CARD9: variants seen among roughly 807,000 people sequenced by gnomAD.
The protein encoded by CARD9 is caspase recruitment domain-containing protein 9.
A neutral mutation model predicts 66.0 loss-of-function variants in CARD9; 53 were observed. The ratio of observed to expected loss-of-function variants is 0.80; its 90% CI spans 0.64 to 1.01. The LOEUF is 1.01. CARD9 is among the 50% of genes least tolerant of loss of function. CARD9 has a pLI of 0.00. For synonymous variants in CARD9, 387 were observed against 313.8 expected (o/e 1.23, Z -2.47); for missense variants, 769 against 743.2 (o/e 1.03, Z -0.40).
rs2131435911 is a variant in CARD9 at position 136,366,790 on chromosome 9, C to T, written c.1357+10G>A. ...GGAGGCCTCTGGGTGTACTGCTGTC[C>T]CCACCTCACCTTTGTCTGAGAGCTG... is the stretch of plus-strand genomic sequence containing the variant. On this transcript the variant is annotated intron_variant, in intron 10 of 12. Coordinates refer to ENST00000371732, the MANE Select transcript of CARD9 (RefSeq NM_052813.5). 6.2e-7 allele frequency: 1 copy of T among 1,612,998 alleles called. No homozygotes were observed. Among genetic ancestry groups the T allele is most frequent in the East Asian group, 2.2e-5 (1 of 44,884 alleles).
intron 2 of CARD9, 104 bp downstream of exon 2, chr9:136,371,790 CG>C: frequency 6.7e-7 from 1 of 1,500,214 alleles, no homozygotes. Context: ...CAAAGCCAGG[CG>C]GGGCTCTCCT....
intron 6 of CARD9, 124 bp downstream of exon 6, chr9:136,370,170 G>T: frequency 6.7e-7 from 1 of 1,483,580 alleles, no homozygotes; most frequent in Non-Finnish European, 9.0e-7. Context: ...CTCCAGGAGT[G>T]GGTGAGTGGA....
intron 1 of CARD9, among the ~76,000 whole-genome samples, chr9:136,372,306 C>G (rs1445669894): frequency 6.6e-6 from 1 of 152,212 alleles, no homozygotes; most frequent in Non-Finnish European, 1.5e-5. Flanking sequence ...CCCCGCTCCC[C>G]ACCAGACCAG....
chr9:136,366,991 C>T (rs1037731382), intron 9 of CARD9, 146 bp from the exon 10 acceptor site: 24 of 1,102,600 alleles, frequency 2.2e-5, no homozygotes, highest in Middle Eastern at 2.4e-4. Flanking sequence ...CTCAGGTGCC[C>T]AGCAGACGGA....
At chr9:136,367,520 G>C (rs564811361) in intron 8 of CARD9, 117 bp downstream of exon 8, 1,103 of 1,309,054 alleles carry the variant, frequency 8.4e-4, no homozygotes, top group Non-Finnish European at 1.1e-3. Context: ...GTTTGGTTAG[G>C]TTGGGGCCCG....
Position 136,370,690 on chromosome 9 carries a change from G to A in CARD9, c.639C>T (p.Leu213=). 1 of 1,612,734 alleles carries A rather than the reference G, an allele frequency of 6.2e-7. No homozygotes were observed. The highest frequency in any genetic ancestry group is 1.3e-5 in the African/African-American group (1 of 75,066). Reference sequence around the variant, plus strand: ...CCTCGGCCTTCATGAGGCTGTGCTTGAGCTGGTCAATCTGCAGAAGGTCCA... The same window carrying A: ...CCTCGGCCTTCATGAGGCTGTGCTTAAGCTGGTCAATCTGCAGAAGGTCCA... ...NRDLQLEIDQ[L]KHSLMKAEDD... Residue 213 remains leucine, a synonymous_variant, in exon 5 of 13, where the codon CTC becomes CTT. Transcript: ENST00000371732.
chr9:136,371,250 G>A lies in CARD9; in HGVS notation c.322+74C>T, dbSNP rs1833262367. On this transcript the variant is annotated intron_variant, in intron 3 of 12. Coordinates refer to ENST00000371732, the MANE Select transcript of CARD9 (RefSeq NM_052813.5). Reference sequence around the variant, plus strand: ...TCAGGGCTCCTAGGGATGGGGGCCAGGCAGAGGACCCAACACCACTGCCCG... The same window carrying A: ...TCAGGGCTCCTAGGGATGGGGGCCAAGCAGAGGACCCAACACCACTGCCCG... 1.6e-5 allele frequency: 25 copies of A among 1,576,944 alleles called. No homozygotes were observed. The South Asian group carries it at 2.9e-4, about 18-fold the overall frequency.
At chr9:136,366,395 G>A (rs893317946) in intron 10 of CARD9, 1 of 230,700 alleles carries the variant, frequency 4.3e-6, no homozygotes, top group Admixed American at 5.1e-5. Flanking sequence ...GCACCTGGTC[G>A]TTCGCTCGTT....
At chr9:136,369,078 C>A (rs536676460) in intron 7 of CARD9, among the ~76,000 whole-genome samples, 74 of 152,228 alleles carry the variant, frequency 4.9e-4, no homozygotes, top group African/African-American at 1.7e-3. Context: ...CCTCGCCCTC[C>A]TAGAGTGCTG....
At chr9:136,372,121 G>A (rs370115354) in intron 1 of CARD9, 27 bp from the exon 2 acceptor site, 2 of 1,609,292 alleles carry the variant, frequency 1.2e-6, no homozygotes, top group South Asian at 1.1e-5. Context: ...AGTGCTGAGA[G>A]CGATGCCGGC....
At chr9:136,370,190 C>A in intron 6 of CARD9, 104 bp downstream of exon 6, 1 of 1,516,688 alleles carries the variant, frequency 6.6e-7, no homozygotes. Context: ...AGGCGCTGCA[C>A]TGGGGTCTCC....
rs77705255 is a variant in CARD9 at position 136,371,203 on chromosome 9, C to G, written c.323-58G>C. ...GTTCCCCGGTGGCCCAGCTCCATCA[C>G]GCCCTGCGCTGTGGCAGGAGCTCAG... On this transcript the variant is annotated intron_variant, in intron 3 of 12. Transcript: ENST00000371732. 4.4e-6 allele frequency: 7 copies of G among 1,600,158 alleles called. No homozygotes were observed. The South Asian group carries it at 7.8e-5, about 18-fold the overall frequency.
chr9:136,371,133 T>C lies in CARD9; in HGVS notation c.335A>G (p.Glu112Gly), dbSNP rs1833259560. The C allele has an allele frequency of 2.5e-6, 4 of 1,612,372 alleles. No homozygotes were observed. Among genetic ancestry groups the C allele is most frequent in the Non-Finnish European group, 3.4e-6 (4 of 1,179,840 alleles). ...CATCAGCAGCTGAGTCAGGCCTGAC[T>C]CCCCGGACGCGTCTGTGGGCCAGGC... is the stretch of plus-strand genomic sequence containing the variant. ...VFSMIIDASGESGLTQLLMTE... is the reference protein window; with the variant it reads ...VFSMIIDASGGSGLTQLLMTE... Residue 112 changes from glutamate to glycine, a missense_variant, in exon 4 of 13, where the codon GAG becomes GGG. Transcript: ENST00000371732.
In CARD9 at chr9:136,370,297, G is replaced by A; in HGVS notation, c.948C>T (p.Leu316=). The A allele has an allele frequency of 6.2e-7, 1 of 1,602,520 alleles. No individual in the cohort carries two copies. The highest frequency in any genetic ancestry group is 8.5e-7 in the Non-Finnish European group (1 of 1,178,724). The change falls in exon 6 of 13, where the codon CTC becomes CTT. Residue 316 remains leucine (L), a synonymous_variant. Transcript: ENST00000371732. ...GTCTCCCCGCCTGCCCTCCTACCCG[G>A]AGGCGTCGGGCCTCGCCCTGGCGGA... ...KDLRQGEARR[L]RCMEEKEMFE... is the part of the protein sequence containing the mutation.
rs528779065 is a variant in CARD9 at position 136,370,119 on chromosome 9, TG to T, written c.951+174del. The T allele has an allele frequency of 8.5e-5, 120 of 1,419,652 alleles. 1 individual carries two copies. In the East Asian group the frequency reaches 2.6e-3, roughly 31 times the overall value. 87.9% of individuals were successfully genotyped at this position (1,419,652 alleles called of 1,614,324 possible). On this transcript the variant is annotated intron_variant, in intron 6 of 12. Coordinates refer to ENST00000371732, the MANE Select transcript of CARD9 (RefSeq NM_052813.5). ...TGAGCCCAGAGGTTGGCCTTTGCCATGGGGGGCAGGCGGGCAAGGAGAGGGC... is the reference window on the plus strand; with the variant it reads ...TGAGCCCAGAGGTTGGCCTTTGCCATGGGGGCAGGCGGGCAAGGAGAGGGC...
At chr9:136,372,573 A>T (rs1469393182) in intron 1 of CARD9, among the ~76,000 whole-genome samples, 1 of 152,180 alleles carries the variant, frequency 6.6e-6, no homozygotes, top group Non-Finnish European at 1.5e-5. Flanking sequence ...GCTGGGTGAG[A>T]GCAGGTTGGC....
At chr9:136,367,591 C>T in intron 8 of CARD9, 46 bp downstream of exon 8, 5 of 1,523,808 alleles carry the variant, frequency 3.3e-6, no homozygotes, top group Non-Finnish European at 4.4e-6. Context: ...CCTGGCCCTG[C>T]ATCCCACGCG....
At chr9:136,372,865 C>T (rs374601165) in intron 1 of CARD9, among the ~76,000 whole-genome samples, 4 of 152,242 alleles carry the variant, frequency 2.6e-5, no homozygotes, top group Admixed American at 2.6e-4. Flanking sequence ...AGTGCTGCTG[C>T]GGTGTTTTCT....
At chr9:136,371,223 G>A in intron 3 of CARD9, 78 bp from the exon 4 acceptor site, 4 of 1,588,926 alleles carry the variant, frequency 2.5e-6, no homozygotes, top group Non-Finnish European at 2.6e-6. Flanking sequence ...TGTGGCAGGA[G>A]CTCAGGGCTC....
Sources: allele counts gnomAD v4.1 joint callset (sites outside exome capture counted in the v4.1 genomes callset), GRCh38; gene constraint gnomAD v4.1.1; transcripts MANE v1.5; gene names NCBI Gene and HGNC (gene_info 2026-07-23, HGNC 2026-07-21).